RPN2: variants seen among roughly 807,000 people sequenced by gnomAD.
RPN2 encodes ribophorin II, also known as dolichyl-diphosphooligosaccharide--protein glycosyltransferase subunit 2.
RPN2 carries 29 observed loss-of-function variants against 71.4 expected under a neutral mutation model. That is an observed-to-expected ratio of 0.41 (90% CI 0.30 to 0.55). The LOEUF (loss-of-function observed/expected upper bound fraction) is 0.55. Ranked by LOEUF, RPN2 falls within the 20% of genes least tolerant of loss-of-function variation. RPN2 has a pLI of 0.35. For missense variants in RPN2, 726 were observed against 774.1 expected (o/e 0.94, Z 0.74); for synonymous variants, 308 against 305.0 (o/e 1.01, Z -0.10).
At chr20:37,190,766 A>G (rs1253464035) in intron 2 of RPN2, among the ~76,000 whole-genome samples, 1 of 152,218 alleles carries the variant, frequency 6.6e-6, no homozygotes, top group Non-Finnish European at 1.5e-5. Context: ...CAGAAAATAA[A>G]TAGGTTAATC....
intron 2 of RPN2, among the ~76,000 whole-genome samples, chr20:37,191,594 C>T (rs779382496): frequency 3.3e-5 from 5 of 151,472 alleles, no homozygotes; most frequent in African/African-American, 1.2e-4. Context: ...AGTGAAACCC[C>T]GTCTCTACTA....
chr20:37,218,894 A>T (rs2067884523), intron 9 of RPN2, among the ~76,000 whole-genome samples: 1 of 152,056 alleles, frequency 6.6e-6, no homozygotes, highest in Admixed American at 6.5e-5. Flanking sequence ...CATTGTATGG[A>T]TATATCACAT....
In RPN2 at chr20:37,234,009, C is replaced by T. The variant is rs1222340930; in HGVS notation, c.1678-11C>T. 1 of 1,614,010 alleles carries T rather than the reference C, an allele frequency of 6.2e-7. No individual in the cohort carries two copies. The highest frequency in any genetic ancestry group is 1.7e-5 in the Admixed American group (1 of 60,026). On this transcript the variant is annotated splice_polypyrimidine_tract_variant and intron_variant, in intron 14 of 16. Transcript: ENST00000237530. ...TAATGCCTTTTTAATTTATTTCTCC[C>T]CATCATTCAGTGGATCCGGATTGGT...
intron 15 of RPN2, among the ~76,000 whole-genome samples, chr20:37,235,746 G>A (rs1476472474): frequency 6.6e-6 from 1 of 152,088 alleles, no homozygotes; most frequent in Non-Finnish European, 1.5e-5. Flanking sequence ...TGCCTCCCAG[G>A]TTCAGGCGAT....
At chr20:37,192,567 T>G (rs1555885731) in intron 2 of RPN2, among the ~76,000 whole-genome samples, 1 of 152,216 alleles carries the variant, frequency 6.6e-6, no homozygotes, top group Non-Finnish European at 1.5e-5. Flanking sequence ...AGTGAGTTTC[T>G]GCTGTGCACT....
intron 3 of RPN2, among the ~76,000 whole-genome samples, 184 bp from the exon 4 acceptor site, chr20:37,198,866 T>C (rs369258640): frequency 9.2e-5 from 14 of 152,274 alleles, no homozygotes; most frequent in African/African-American, 2.6e-4. Context: ...CAGCATCTTT[T>C]CACATGGGAG....
chr20:37,215,888 T>G (rs1374244738), intron 9 of RPN2, among the ~76,000 whole-genome samples: 2 of 152,242 alleles, frequency 1.3e-5, no homozygotes, highest in Non-Finnish European at 2.9e-5. Flanking sequence ...TGAATTGTTT[T>G]ATATCTTTGC....
intron 2 of RPN2, 121 bp downstream of exon 2, chr20:37,184,494 C>T: frequency 1.1e-6 from 1 of 935,796 alleles, no homozygotes; most frequent in Non-Finnish European, 1.7e-6. Context: ...AAGGTTAATC[C>T]AATATAAGAA....
At chr20:37,234,461 G>C (rs543687079) in intron 15 of RPN2, among the ~76,000 whole-genome samples, 1 of 152,120 alleles carries the variant, frequency 6.6e-6, no homozygotes, top group Non-Finnish European at 1.5e-5. Flanking sequence ...CCACGCTATC[G>C]ATCTTCACAT....
intron 16 of RPN2, among the ~76,000 whole-genome samples, chr20:37,240,859 G>A (rs2068532233): frequency 6.6e-6 from 1 of 152,240 alleles, no homozygotes; most frequent in Non-Finnish European, 1.5e-5. Flanking sequence ...TGGTCAGGAT[G>A]TCATGTTCTA....
chr20:37,185,144 CTT>C (rs540014605), intron 2 of RPN2, among the ~76,000 whole-genome samples: 150 of 136,476 alleles, frequency 1.1e-3, no homozygotes, highest in South Asian at 1.9e-3. Context: ...TCGGGACAGT[CTT>C]TTTTTTTTTT....
intron 2 of RPN2, among the ~76,000 whole-genome samples, chr20:37,191,443 C>A (rs1174602936): frequency 6.6e-6 from 1 of 151,990 alleles, no homozygotes; most frequent in Non-Finnish European, 1.5e-5. Flanking sequence ...TGCTGCTACA[C>A]TCTAGCCTGG....
chr20:37,209,167 A>G (rs1342175911), intron 7 of RPN2, among the ~76,000 whole-genome samples: 2 of 152,184 alleles, frequency 1.3e-5, no homozygotes, highest in African/African-American at 2.4e-5. Flanking sequence ...GGATTATTCT[A>G]TCTGTGTCGT....
chr20:37,230,029 G>A lies in RPN2; in HGVS notation c.1551G>A (p.Gln517=), dbSNP rs138625164. 113 of 1,614,168 alleles carry A rather than the reference G, an allele frequency of 7.0e-5. 1 individual carries two copies. The African/African-American group carries it at 1.3e-3, about 18-fold the overall frequency. ...EEEAPSTVLS[Q]NLFTPKQEIQ... ...AAGCTCCCTCGACTGTCTTGTCCCAGAACCTTTTCACTCCAAAACAGGAAA... is the reference window on the plus strand; with the variant it reads ...AAGCTCCCTCGACTGTCTTGTCCCAAAACCTTTTCACTCCAAAACAGGAAA... The change falls in exon 13 of 17, where the codon CAG becomes CAA. Residue 517 remains glutamine, a synonymous_variant. Coordinates refer to ENST00000237530, the MANE Select transcript of RPN2 (RefSeq NM_002951.5).
chr20:37,238,411 A>G, intron 16 of RPN2: 1 of 1,609,260 alleles, frequency 6.2e-7, no homozygotes, highest in Non-Finnish European at 8.5e-7. Flanking sequence ...GGATCGCTGC[A>G]GAGCAGAGCA....
chr20:37,223,546 A>T (rs865871026), intron 9 of RPN2, among the ~76,000 whole-genome samples: 3 of 152,358 alleles, frequency 2.0e-5, no homozygotes, highest in South Asian at 2.1e-4. Flanking sequence ...GCTGATTTGA[A>T]TGAAAGGTAC....
intron 2 of RPN2, among the ~76,000 whole-genome samples, chr20:37,188,060 CG>C (rs1246905213): frequency 2.0e-5 from 3 of 152,060 alleles, no homozygotes; most frequent in Non-Finnish European, 2.9e-5. Flanking sequence ...TAATTTCTCA[CG>C]GTATATCTTG....
At chr20:37,205,429 A>G (rs759619353) in intron 6 of RPN2, among the ~76,000 whole-genome samples, 5 of 152,100 alleles carry the variant, frequency 3.3e-5, no homozygotes, top group African/African-American at 4.8e-5. Context: ...ACCTGAAAGA[A>G]TCTTTAGTTG....
intron 13 of RPN2, among the ~76,000 whole-genome samples, chr20:37,231,346 A>T (rs551201774): frequency 6.6e-6 from 1 of 152,086 alleles, no homozygotes; most frequent in Non-Finnish European, 1.5e-5. Context: ...AAGAGAATTC[A>T]TGTAGAATTG....
Sources: allele counts gnomAD v4.1 joint callset (sites outside exome capture counted in the v4.1 genomes callset), GRCh38; gene constraint gnomAD v4.1.1; transcripts MANE v1.5; gene names NCBI Gene and HGNC (gene_info 2026-07-23, HGNC 2026-07-21).